AFG1L: variants seen among roughly 807,000 people sequenced by gnomAD.
The protein encoded by AFG1L is AFG1 like ATPase, also known as AFG1-like ATPase.
Under a neutral mutation model 62.2 loss-of-function variants are expected in AFG1L, and 53 were observed. The ratio of observed to expected loss-of-function variants is 0.85; its 90% CI spans 0.68 to 1.07. The LOEUF is 1.07. AFG1L is among the 50% of genes least tolerant of loss of function. AFG1L has a pLI of 0.00. For synonymous variants in AFG1L, 228 were observed against 210.3 expected (o/e 1.08, Z -0.73); for missense variants, 555 against 590.5 (o/e 0.94, Z 0.62).
intron 1 of AFG1L, among the ~76,000 whole-genome samples, chr6:108,317,888 T>G (rs1431109197): frequency 6.6e-6 from 1 of 152,214 alleles, no homozygotes; most frequent in Non-Finnish European, 1.5e-5. Context: ...CATAGTTTTG[T>G]AAAGACAGTT....
intron 11 of AFG1L, among the ~76,000 whole-genome samples, 172 bp from the exon 12 acceptor site, chr6:108,519,525 T>G (rs758708314): frequency 6.6e-6 from 1 of 152,160 alleles, no homozygotes; most frequent in Non-Finnish European, 1.5e-5. Flanking sequence ...CTATGCAGTT[T>G]TAAAACACTG....
intron 7 of AFG1L, among the ~76,000 whole-genome samples, chr6:108,437,353 T>A (rs1226531611): frequency 6.6e-6 from 1 of 152,182 alleles, no homozygotes; most frequent in Non-Finnish European, 1.5e-5. Flanking sequence ...CCAGATTACT[T>A]TGTACTTTTC....
chr6:108,345,740 T>C (rs1019236936), intron 2 of AFG1L, among the ~76,000 whole-genome samples: 1 of 152,176 alleles, frequency 6.6e-6, no homozygotes, highest in Non-Finnish European at 1.5e-5. Flanking sequence ...GACTTTTATG[T>C]TGGAAGTTTT....
At position 108,522,332 on chromosome 6, in the gene AFG1L, A is replaced by C; in HGVS notation, c.1353A>C (p.Glu451Asp). 6.2e-7 allele frequency: 1 copy of C among 1,613,908 alleles called. No individual in the cohort carries two copies. The highest frequency in any genetic ancestry group is 8.5e-7 in the Non-Finnish European group (1 of 1,179,858). Residue 451 changes from glutamate to aspartate, a missense_variant, in exon 13 of 13, where the codon GAA (glutamate) becomes GAC (aspartate). Glu to Asp is a conservative substitution (Grantham distance 45, BLOSUM62 2). Coordinates refer to ENST00000368977, the MANE Select transcript of AFG1L (RefSeq NM_145315.5). ...SAEGLSMFTG[E>D]EEIFAFQRTI... is the part of the protein sequence containing the mutation. ...AAGGACTCTCCATGTTTACCGGAGA[A>C]GAGGAAATCTTTGCATTTCAGCGCA...
intron 6 of AFG1L, among the ~76,000 whole-genome samples, chr6:108,382,104 G>A (rs1398584563): frequency 5.3e-5 from 8 of 150,266 alleles, no homozygotes; most frequent in Admixed American, 2.7e-4. Context: ...AGGTTTAAGC[G>A]ATTTTCCTGC....
intron 6 of AFG1L, among the ~76,000 whole-genome samples, chr6:108,390,789 C>G (rs1461658473): frequency 6.6e-6 from 1 of 152,196 alleles, no homozygotes; most frequent in Non-Finnish European, 1.5e-5. Flanking sequence ...GGGGGTGCCT[C>G]CCAGTTAGGC....
chr6:108,449,361 C>T (rs1227838056), intron 8 of AFG1L, among the ~76,000 whole-genome samples: 1 of 152,094 alleles, frequency 6.6e-6, no homozygotes, highest in East Asian at 1.9e-4. Flanking sequence ...AATAGAAAGC[C>T]TGGGGGCACC....
At chr6:108,431,599 T>C (rs1386426157) in intron 7 of AFG1L, among the ~76,000 whole-genome samples, 1 of 29,380 alleles carries the variant, frequency 3.4e-5, no homozygotes, top group African/African-American at 1.6e-4. Flanking sequence ...CTTTGTTGCT[T>C]TTTTTTTTTT....
At chr6:108,395,089 A>G (rs1010892374) in intron 6 of AFG1L, among the ~76,000 whole-genome samples, 1 of 152,178 alleles carries the variant, frequency 6.6e-6, no homozygotes, top group African/African-American at 2.4e-5. Flanking sequence ...TGACATTCCT[A>G]AATAAAATTT....
intron 10 of AFG1L, among the ~76,000 whole-genome samples, chr6:108,503,620 C>T (rs1445696625): frequency 6.6e-6 from 1 of 152,142 alleles, no homozygotes; most frequent in Non-Finnish European, 1.5e-5. Flanking sequence ...TTCTTAAGGG[C>T]TCTAGGATTT....
intron 7 of AFG1L, among the ~76,000 whole-genome samples, chr6:108,421,952 G>A (rs1298154251): frequency 3.9e-5 from 6 of 152,052 alleles, no homozygotes; most frequent in Admixed American, 3.9e-4. Context: ...AAAGATGCTT[G>A]CTATATTCCC....
intron 7 of AFG1L, among the ~76,000 whole-genome samples, chr6:108,439,381 A>C (rs959493384): frequency 6.6e-6 from 1 of 152,232 alleles, no homozygotes; most frequent in African/African-American, 2.4e-5. Flanking sequence ...TTGTTAAACC[A>C]TAAGTGCACA....
chr6:108,324,149 A>C, intron 2 of AFG1L, 101 bp downstream of exon 2: 1 of 798,532 alleles, frequency 1.3e-6, no homozygotes, highest in East Asian at 2.7e-5. Context: ...ATCTTGAAAA[A>C]TTTTCACCAG....
At chr6:108,343,239 G>A (rs1027521883) in intron 2 of AFG1L, among the ~76,000 whole-genome samples, 12 of 151,848 alleles carry the variant, frequency 7.9e-5, no homozygotes, top group African/African-American at 1.2e-4. Context: ...TGGTAGAGAC[G>A]GGGTTTCACC....
intron 5 of AFG1L, among the ~76,000 whole-genome samples, chr6:108,365,084 C>T (rs1405228082): frequency 1.3e-5 from 2 of 152,014 alleles, no homozygotes; most frequent in Non-Finnish European, 2.9e-5. Flanking sequence ...TTAAAAATAA[C>T]AATGTACTAT....
chr6:108,337,725 CATAT>C (rs1223532370), intron 2 of AFG1L, among the ~76,000 whole-genome samples: 2 of 152,072 alleles, frequency 1.3e-5, no homozygotes, highest in African/African-American at 4.8e-5. Context: ...GGACATATAT[CATAT>C]ATTATGGGTA....
In AFG1L at chr6:108,525,200, C is replaced by T. The variant is rs1358129346; in HGVS notation, c.*2775C>T. 1.3e-5 allele frequency: 2 copies of T among 152,080 alleles called. No individual in the cohort carries two copies. Among genetic ancestry groups the T allele is most frequent in the African/African-American group, 4.8e-5 (2 of 41,380 alleles). The allele number at this position is 152,080 out of a possible 1,614,324, so 9.4% of individuals were successfully genotyped here. On this transcript the variant is annotated 3_prime_UTR_variant, in exon 13 of 13. Transcript: ENST00000368977. ...ACTGATGACTAGTTCCCAGACTTAA[C>T]AGAGGTCAAGCGGAGAAAAAGGAAA... is the stretch of plus-strand genomic sequence containing the variant.
intron 11 of AFG1L, among the ~76,000 whole-genome samples, chr6:108,514,374 A>C (rs1296648150): frequency 1.3e-5 from 2 of 152,226 alleles, no homozygotes; most frequent in Admixed American, 1.3e-4. Context: ...TTTTCAACCC[A>C]GAATTTCATA....
At chr6:108,406,250 C>T (rs899803577) in intron 7 of AFG1L, among the ~76,000 whole-genome samples, 2 of 151,880 alleles carry the variant, frequency 1.3e-5, no homozygotes, top group African/African-American at 4.8e-5. Flanking sequence ...TTCCCATCAG[C>T]AATACACAAG....
Sources: gnomAD v4.1 joint callset for allele counts (sites outside exome capture counted in the v4.1 genomes callset) on GRCh38, gnomAD v4.1.1 for gene constraint, MANE v1.5 for transcripts, NCBI Gene and HGNC (gene_info 2026-07-23, HGNC 2026-07-21) for gene names.